The following NLK variants were observed in gnomAD, a reference collection of about 807,000 sequenced individuals.
NLK encodes the protein serine/threonine-protein kinase NLK.
NLK carries 11 observed loss-of-function variants against 59.0 expected under a neutral mutation model. The ratio of observed to expected loss-of-function variants is 0.19; its 90% CI spans 0.12 to 0.31. The LOEUF is 0.31. Ranked by LOEUF, NLK falls within the 10% of genes least tolerant of loss-of-function variation. The pLI is 1.00. For missense variants in NLK, 410 were observed against 661.1 expected, an observed-to-expected ratio of 0.62 and a Z score of 4.16; for synonymous variants, 235 against 235.9, an observed-to-expected ratio of 1.00 and a Z score of 0.03.
chr17:28,087,631 A>G lies in NLK; in HGVS notation c.459-34972A>G, dbSNP rs182198151. On this transcript the variant is annotated intron_variant, in intron 1 of 10. Coordinates refer to ENST00000407008, the MANE Select transcript of NLK (RefSeq NM_016231.5). ...ATTGTCTAGTTTGTCAGTGGAGTAGAATATATGTAGAAGAGAAGGAAGATA... is the reference window on the plus strand; with the variant it reads ...ATTGTCTAGTTTGTCAGTGGAGTAGGATATATGTAGAAGAGAAGGAAGATA... Among the ~76,000 whole-genome samples, 518 of 152,334 alleles carry G rather than the reference A, an allele frequency of 3.4e-3. 2 individuals carry two copies. Among genetic ancestry groups the G allele is most frequent in the Admixed American group, 0.011 (163 of 15,298 alleles).
In NLK at chr17:28,122,908, T is replaced by C. The variant is rs34004516; in HGVS notation, c.588+176T>C. ...CAGTGAGGTTATGGGAGAATACCTATTGATAGGCTTTCAATTCATACATTC... is the reference window on the plus strand; with the variant it reads ...CAGTGAGGTTATGGGAGAATACCTACTGATAGGCTTTCAATTCATACATTC... On this transcript the variant is annotated intron_variant, in intron 2 of 10. Coordinates refer to ENST00000407008, the MANE Select transcript of NLK (RefSeq NM_016231.5). 3.3e-3 allele frequency among the ~76,000 whole-genome samples: 503 copies of C among 152,306 alleles called. 3 individuals carry two copies. Among genetic ancestry groups the C allele is most frequent in the African/African-American group, 0.011 (475 of 41,568 alleles).
Position 28,108,530 on chromosome 17 carries a change from TTTAAG to T in NLK, c.459-14068_459-14064del, listed in dbSNP as rs560862636. Among the ~76,000 whole-genome samples, 952 of 152,294 alleles carry T rather than the reference TTTAAG, an allele frequency of 6.3e-3. 6 individuals are homozygous for T. Among genetic ancestry groups the T allele is most frequent in the African/African-American group, 0.022 (930 of 41,554 alleles). On this transcript the variant is annotated intron_variant, in intron 1 of 10. Coordinates refer to ENST00000407008, the MANE Select transcript of NLK (RefSeq NM_016231.5). ...TAATAATTGAATTTAGGTTGCAAAT[TTTAAG>T]TTAACAAAAGTAAAGCATGTTACTG...
intron 1 of NLK, among the ~76,000 whole-genome samples, chr17:28,108,793 T>A (rs1905319967): frequency 6.6e-6 from 1 of 152,212 alleles, no homozygotes. Context: ...AAGATACCAA[T>A]ATAATATCTT....
Position 28,168,621 on chromosome 17 carries a change from A to G in NLK, c.1011A>G (p.Arg337=). 1.2e-6 allele frequency: 2 copies of G among 1,613,968 alleles called. No individual in the cohort carries two copies. Among genetic ancestry groups the G allele is most frequent in the Non-Finnish European group, 1.7e-6 (2 of 1,179,854 alleles). Residue 337 remains arginine (R), a synonymous_variant, in exon 6 of 11, where the codon CGA becomes CGG. Coordinates refer to ENST00000407008, the MANE Select transcript of NLK (RefSeq NM_016231.5). The part of the protein sequence containing the change: ...VGCIFAELLG[R]RILFQAQSPI... ...GTATCTTTGCAGAACTACTAGGACG[A>G]AGAATATTGTTTCAGGCACAGAGTC...
chr17:28,178,893 A>C (rs1444995152), intron 7 of NLK, among the ~76,000 whole-genome samples: 2 of 152,204 alleles, frequency 1.3e-5, no homozygotes, highest in Admixed American at 6.5e-5. Context: ...GAAAACTAAT[A>C]GGAACGTCTG....
chr17:28,049,585 A>G (rs148612761), intron 1 of NLK, among the ~76,000 whole-genome samples: 118 of 152,330 alleles, frequency 7.7e-4, no homozygotes, highest in Non-Finnish European at 1.4e-3. Context: ...GTTGACAGTC[A>G]AGTAAACAAT....
downstream of NLK, among the ~76,000 whole-genome samples, chr17:28,200,087 T>C (rs550716346): frequency 6.6e-6 from 1 of 152,372 alleles, no homozygotes; most frequent in African/African-American, 2.4e-5. Context: ...GATTTGCAAC[T>C]ATTTTCTTTC....
intron 1 of NLK, among the ~76,000 whole-genome samples, chr17:28,103,697 C>T (rs1904978507): frequency 6.6e-6 from 1 of 152,134 alleles, no homozygotes; most frequent in African/African-American, 2.4e-5. Flanking sequence ...TTAGCAGGTG[C>T]ACTCTCCCTG....
chr17:28,080,695 A>G (rs146439682), intron 1 of NLK, among the ~76,000 whole-genome samples: 1 of 152,318 alleles, frequency 6.6e-6, no homozygotes, highest in African/African-American at 2.4e-5. Flanking sequence ...TTTCTCATGG[A>G]CAGGGTTAGC....
chr17:28,096,730 AT>A (rs971577335), intron 1 of NLK, among the ~76,000 whole-genome samples: 3 of 152,178 alleles, frequency 2.0e-5, no homozygotes, highest in African/African-American at 7.2e-5. Context: ...AGGAAAAAGA[AT>A]TTTTCAACAT....
At chr17:28,163,426 G>A (rs1186215088) in intron 4 of NLK, 117 bp from the exon 5 acceptor site, 1 of 612,236 alleles carries the variant, frequency 1.6e-6, no homozygotes, top group Non-Finnish European at 2.9e-6. Flanking sequence ...TGTTCATTAT[G>A]CAGTTATTTA....
Position 28,192,202 on chromosome 17 carries a change from G to T in NLK, c.1518G>T (p.Lys506Asn). 6.3e-7 allele frequency: 1 copy of T among 1,582,554 alleles called. No homozygotes were observed. ...LCINPQSAAF[K>N]SFISSTVAQP... ...TCAACCCTCAGTCTGCTGCTTTTAA[G>T]AGCTTTATTAGGTAACTATATGTAT... is the stretch of plus-strand genomic sequence containing the variant. The change falls in exon 10 of 11, where the codon AAG becomes AAT. Residue 506 changes from lysine to asparagine, a missense_variant. Physicochemically the swap from Lys to Asn is moderately conservative, Grantham distance 94. Coordinates refer to ENST00000407008, the MANE Select transcript of NLK (RefSeq NM_016231.5).
chr17:28,122,135 G>A (rs1906092659), intron 1 of NLK, among the ~76,000 whole-genome samples: 1 of 152,150 alleles, frequency 6.6e-6, no homozygotes. Context: ...ACTAAAAGAT[G>A]TTCATATACA....
At chr17:28,087,202 C>T (rs1470716255) in intron 1 of NLK, among the ~76,000 whole-genome samples, 1 of 152,134 alleles carries the variant, frequency 6.6e-6, no homozygotes, top group African/African-American at 2.4e-5. Context: ...ATTACTACCA[C>T]ATTTCTAGCA....
At chr17:28,204,916 G>A in the NLK span, among the ~76,000 whole-genome samples, 6 of 152,322 alleles carry the variant, frequency 3.9e-5, 1 homozygote, top group South Asian at 1.2e-3. Context: ...CCTTTATGAA[G>A]AATTCCCCTG....
chr17:28,075,256 C>G (rs979747746), intron 1 of NLK, among the ~76,000 whole-genome samples: 1 of 152,200 alleles, frequency 6.6e-6, no homozygotes, highest in Non-Finnish European at 1.5e-5. Context: ...AAACCTCTCT[C>G]TAAGGTGATT....
chr17:28,070,641 G>A lies in NLK; in HGVS notation c.458+27310G>A, dbSNP rs551084678. On this transcript the variant is annotated intron_variant, in intron 1 of 10. Transcript: ENST00000407008. ...GCTGGGATTACAGGCATGAGCCACC[G>A]TGCCCAGCCTGAAATTAATTTTTGT... Among the ~76,000 whole-genome samples the A allele has an allele frequency of 9.8e-4, 149 of 152,020 alleles. 1 individual carries two copies. Among genetic ancestry groups the A allele is most frequent in the Admixed American group, 1.6e-3 (25 of 15,280 alleles).
intron 2 of NLK, among the ~76,000 whole-genome samples, chr17:28,132,404 A>G (rs1378113283): frequency 6.6e-6 from 1 of 152,152 alleles, no homozygotes; most frequent in African/African-American, 2.4e-5. Context: ...GTGTAACCCA[A>G]TTGCCTCTCT....
chr17:28,201,160 A>G (rs935901531), downstream of NLK, among the ~76,000 whole-genome samples: 4 of 152,108 alleles, frequency 2.6e-5, no homozygotes, highest in Non-Finnish European at 5.9e-5. Flanking sequence ...GGCTCACATC[A>G]GCCTCCACCT....
Sources: allele counts gnomAD v4.1 joint callset (sites outside exome capture counted in the v4.1 genomes callset), GRCh38; gene constraint gnomAD v4.1.1; transcripts MANE v1.5; gene names NCBI Gene and HGNC (gene_info 2026-07-23, HGNC 2026-07-21).